The following SBF2 variants were observed in gnomAD, a reference collection of about 807,000 sequenced individuals.
The protein encoded by SBF2 is myotubularin-related protein 13.
A neutral mutation model predicts 225.2 loss-of-function variants in SBF2; 112 were observed. The ratio of observed to expected loss-of-function variants is 0.50; its 90% CI spans 0.43 to 0.58. The LOEUF is 0.58. SBF2 is among the 20% of genes least tolerant of loss of function. The pLI, the probability that SBF2 is intolerant of heterozygous loss-of-function variation, is 0.00. For missense variants in SBF2, 1,996 were observed against 2,206.2 expected, an observed-to-expected ratio of 0.90 and a Z score of 1.91; for synonymous variants, 763 against 773.3, an observed-to-expected ratio of 0.99 and a Z score of 0.22.
intron 2 of SBF2, among the ~76,000 whole-genome samples, chr11:10,152,265 T>C (rs1039171744): frequency 6.6e-6 from 1 of 152,084 alleles, no homozygotes; most frequent in East Asian, 1.9e-4. Context: ...AAACACCCCA[T>C]ATAGGCCGGG....
intron 2 of SBF2, among the ~76,000 whole-genome samples, chr11:10,043,539 T>C (rs1437298302): frequency 6.6e-6 from 1 of 152,036 alleles, no homozygotes. Context: ...AACAGGCAGA[T>C]AGCTGGAAAA....
intron 10 of SBF2, 141 bp from the exon 11 acceptor site, chr11:9,993,244 TAAG>T (rs912490687): frequency 3.5e-5 from 23 of 650,936 alleles, no homozygotes; most frequent in Non-Finnish European, 6.2e-5. Context: ...CAACCAAACA[TAAG>T]AAGAAAAAAC....
At chr11:9,853,064 T>C (rs1386118286) in intron 20 of SBF2, among the ~76,000 whole-genome samples, 1 of 152,174 alleles carries the variant, frequency 6.6e-6, no homozygotes, top group East Asian at 1.9e-4. Context: ...GGAAAGTTAC[T>C]CAGCCATAAA....
At chr11:10,212,098 G>A (rs1400964715) in intron 1 of SBF2, among the ~76,000 whole-genome samples, 5 of 152,192 alleles carry the variant, frequency 3.3e-5, no homozygotes, top group African/African-American at 1.2e-4. Context: ...AGAACTTTGG[G>A]AGGTTACACT....
At chr11:10,128,623 A>G (rs1427175957) in intron 2 of SBF2, among the ~76,000 whole-genome samples, 1 of 152,132 alleles carries the variant, frequency 6.6e-6, no homozygotes, top group Non-Finnish European at 1.5e-5. Context: ...CTGGTTAAAA[A>G]CTCTGATGAC....
At chr11:10,065,474 T>C (rs1280914959) in intron 2 of SBF2, among the ~76,000 whole-genome samples, 2 of 151,944 alleles carry the variant, frequency 1.3e-5, no homozygotes, top group Admixed American at 1.3e-4. Context: ...CAAAAGTTTG[T>C]TCTTTGAGAT....
intron 1 of SBF2, among the ~76,000 whole-genome samples, chr11:10,259,237 C>T (rs2135508164): frequency 6.6e-6 from 1 of 152,192 alleles, no homozygotes; most frequent in Admixed American, 6.5e-5. Flanking sequence ...TGTAATTAAG[C>T]CCACATCTTT....
intron 2 of SBF2, among the ~76,000 whole-genome samples, chr11:10,055,524 TAC>T (rs3993326): frequency 0.22 from 29,448 of 133,194 alleles, 3,489 homozygotes; most frequent in African/African-American, 0.32. Context: ...AAGAAAATGA[TAC>T]ACACACACAC....
intron 16 of SBF2, among the ~76,000 whole-genome samples, chr11:9,900,744 T>G (rs778447935): frequency 6.6e-6 from 1 of 152,198 alleles, no homozygotes; most frequent in Non-Finnish European, 1.5e-5. Flanking sequence ...AAAAAAATTT[T>G]TTTTAAATGT....
chr11:10,148,498 C>T (rs1052320741), intron 2 of SBF2, among the ~76,000 whole-genome samples: 6 of 137,882 alleles, frequency 4.4e-5, no homozygotes, highest in African/African-American at 1.2e-4. Flanking sequence ...CACTAAATAC[C>T]TATTTTTTTT....
chr11:10,115,760 A>G (rs1010197728), intron 2 of SBF2, among the ~76,000 whole-genome samples: 1 of 152,200 alleles, frequency 6.6e-6, no homozygotes, highest in African/African-American at 2.4e-5. Context: ...TCACACTTTA[A>G]TGTTTCTACA....
chr11:9,849,481 C>G (rs796377799), intron 22 of SBF2, among the ~76,000 whole-genome samples: 1 of 151,968 alleles, frequency 6.6e-6, no homozygotes, highest in South Asian at 2.1e-4. Flanking sequence ...GAAGGCTGTA[C>G]TGAATAGTAG....
intron 2 of SBF2, among the ~76,000 whole-genome samples, chr11:10,101,629 A>T (rs1259661912): frequency 6.7e-6 from 1 of 149,988 alleles, no homozygotes; most frequent in South Asian, 2.2e-4. Flanking sequence ...TTACCAGTCA[A>T]AAGTTTCTGG....
upstream of SBF2, among the ~76,000 whole-genome samples, chr11:10,296,619 T>C (rs1964552274): frequency 6.6e-6 from 1 of 152,156 alleles, no homozygotes; most frequent in African/African-American, 2.4e-5. Context: ...CCATATTTTG[T>C]TTATCTGGAA....
chr11:9,789,085 G>GGT, intron 35 of SBF2, 24 bp downstream of exon 35: 1 of 1,603,234 alleles, frequency 6.2e-7, no homozygotes, highest in Non-Finnish European at 8.5e-7. Context: ...GGTGCCCCTA[G>GGT]GTGTGTGTCT....
chr11:10,208,934 G>A lies in SBF2; in HGVS notation c.56-14947C>T, dbSNP rs760802368. On this transcript the variant is annotated intron_variant, in intron 1 of 39. Transcript: ENST00000256190. ...CAATTGCAGATAAGACTAGTACATA[G>A]CAAGTGCTTAGTTTCAGCATAGATT... 3.4e-4 allele frequency among the ~76,000 whole-genome samples: 52 copies of A among 152,194 alleles called. 2 individuals are homozygous for A. Among genetic ancestry groups the A allele is most frequent in the Non-Finnish European group, 4.1e-4 (28 of 67,992 alleles).
At chr11:10,049,581 T>C (rs1309916042) in intron 2 of SBF2, among the ~76,000 whole-genome samples, 1 of 152,112 alleles carries the variant, frequency 6.6e-6, no homozygotes, top group Non-Finnish European at 1.5e-5. Context: ...CACTCCAGCC[T>C]GGGCAACAAG....
chr11:10,249,179 G>C (rs1320523386), intron 1 of SBF2, among the ~76,000 whole-genome samples: 2 of 151,890 alleles, frequency 1.3e-5, no homozygotes, highest in Non-Finnish European at 2.9e-5. Context: ...TCTGTAAATT[G>C]AACATCAAAA....
intron 2 of SBF2, among the ~76,000 whole-genome samples, chr11:10,074,575 T>G (rs1263010428): frequency 6.6e-6 from 1 of 152,326 alleles, no homozygotes; most frequent in East Asian, 1.9e-4. Context: ...ATATTCATCT[T>G]TTGCTTATTT....
Sources: allele counts gnomAD v4.1 joint callset (sites outside exome capture counted in the v4.1 genomes callset), GRCh38; gene constraint gnomAD v4.1.1; transcripts MANE v1.5; gene names NCBI Gene and HGNC (gene_info 2026-07-23, HGNC 2026-07-21).